The following DNAJC13 variants were observed in gnomAD, a reference collection of about 807,000 sequenced individuals.
DNAJC13 encodes the protein DnaJ heat shock protein family (Hsp40) member C13.
A neutral mutation model predicts 290.5 loss-of-function variants in DNAJC13; 75 were observed. The observed-to-expected ratio is 0.26, with a 90% CI of 0.21 to 0.31. DNAJC13 has a LOEUF of 0.31. DNAJC13 is among the 10% of genes least tolerant of loss of function. The probability of loss-of-function intolerance (pLI) is 1.00; values close to 1 mark genes in which losing one functional copy is unlikely to be tolerated. For missense variants in DNAJC13, 2,260 were observed against 2,674.5 expected, an observed-to-expected ratio of 0.85 and a Z score of 3.42; for synonymous variants, 862 against 892.0, an observed-to-expected ratio of 0.97 and a Z score of 0.60.
chr3:132,429,207 A>G (rs1168256089), intron 1 of DNAJC13, among the ~76,000 whole-genome samples: 4 of 152,204 alleles, frequency 2.6e-5, no homozygotes, highest in Admixed American at 6.5e-5. Flanking sequence ...AACAAGTATC[A>G]TCTGTCCAGA....
chr3:132,442,006 G>GTTT lies in DNAJC13; in HGVS notation c.69-4460_69-4458dup, dbSNP rs201467302. On this transcript the variant is annotated intron_variant, in intron 2 of 55. Coordinates refer to ENST00000260818, the MANE Select transcript of DNAJC13 (RefSeq NM_015268.4). ...ATAGAGTATCTGACCTAACACATTG[G>GTTT]TTTTTTTTTTTATTTTGCCTAAACA... Among the ~76,000 whole-genome samples, 7 of 145,158 alleles carry GTTT rather than the reference G, an allele frequency of 4.8e-5. No homozygotes were observed. In the East Asian group the frequency reaches 1.2e-3, roughly 25 times the overall value.
chr3:132,426,363 CT>C (rs1339133274), intron 1 of DNAJC13, among the ~76,000 whole-genome samples: 3 of 152,148 alleles, frequency 2.0e-5, no homozygotes, highest in African/African-American at 7.2e-5. Flanking sequence ...AATCATGGGT[CT>C]TTGAGAATTT....
intron 45 of DNAJC13, 28 bp downstream of exon 45, chr3:132,513,127 T>TG: frequency 6.4e-7 from 1 of 1,560,728 alleles, no homozygotes; most frequent in Non-Finnish European, 8.8e-7. Context: ...TAAAGCGTGT[T>TG]GCCTTTCCTA....
chr3:132,424,769 A>G (rs930222695), intron 1 of DNAJC13, among the ~76,000 whole-genome samples: 18 of 152,074 alleles, frequency 1.2e-4, no homozygotes, highest in African/African-American at 4.3e-4. Flanking sequence ...AAGTTAAGGA[A>G]GGCTAAGATG....
intron 2 of DNAJC13, among the ~76,000 whole-genome samples, chr3:132,442,063 G>GT (rs1289563565): frequency 7.1e-6 from 1 of 141,562 alleles, no homozygotes; most frequent in Non-Finnish European, 1.5e-5. Context: ...AATACCTTAT[G>GT]TAAAAAAAAA....
At chr3:132,518,681 A>C (rs1030954373) in intron 48 of DNAJC13, among the ~76,000 whole-genome samples, 20 of 152,028 alleles carry the variant, frequency 1.3e-4, no homozygotes, top group African/African-American at 4.6e-4. Flanking sequence ...TTTTGGTAAC[A>C]GTTTTCTTGA....
intron 29 of DNAJC13, among the ~76,000 whole-genome samples, chr3:132,486,590 AT>A (rs976706165): frequency 6.6e-6 from 1 of 151,994 alleles, no homozygotes; most frequent in Non-Finnish European, 1.5e-5. Flanking sequence ...TGTGACTCCT[AT>A]TTTTTTATAT....
In DNAJC13 at chr3:132,516,791, C is replaced by G. The variant is rs1471180106; in HGVS notation, c.5648C>G (p.Thr1883Arg). Residue 1883 changes from threonine to arginine, a missense_variant, in exon 48 of 56, where the codon ACA becomes AGA. Physicochemically the swap from Thr to Arg is moderately conservative, Grantham distance 71. Coordinates refer to ENST00000260818, the MANE Select transcript of DNAJC13 (RefSeq NM_015268.4). ...ACAGCAGAACTTTTTGCCAAAATGA[C>G]AGCAGATAAACTGATAGGTCCAAAG... ...AQTAELFAKM[T>R]ADKLIGPKVR... 1.2e-6 allele frequency: 2 copies of G among 1,613,360 alleles called. No homozygotes were observed. Among genetic ancestry groups the G allele is most frequent in the African/African-American group, 2.7e-5 (2 of 75,000 alleles).
intron 44 of DNAJC13, among the ~76,000 whole-genome samples, chr3:132,511,809 T>G (rs1337105277): frequency 6.6e-6 from 1 of 152,114 alleles, no homozygotes; most frequent in Non-Finnish European, 1.5e-5. Context: ...CAACTCTAAC[T>G]TAGATAATAA....
intron 34 of DNAJC13, 109 bp from the exon 35 acceptor site, chr3:132,494,979 C>A: frequency 1.5e-6 from 1 of 687,500 alleles, no homozygotes; most frequent in Non-Finnish European, 2.4e-6. Context: ...AATATATAAT[C>A]ATATACAATT....
intron 1 of DNAJC13, 49 bp from the exon 2 acceptor site, chr3:132,434,489 T>G (rs1298929357): frequency 3.7e-6 from 5 of 1,354,470 alleles, no homozygotes; most frequent in East Asian, 4.6e-5. Context: ...CTTGGAAAGA[T>G]TAAAGATATA....
chr3:132,478,797 A>G (rs995170437), intron 24 of DNAJC13, among the ~76,000 whole-genome samples: 2 of 152,170 alleles, frequency 1.3e-5, no homozygotes, highest in African/African-American at 4.8e-5. Flanking sequence ...ACATTTGAAC[A>G]TGGTGGAGGG....
At position 132,463,824 on chromosome 3, in the gene DNAJC13, G is replaced by A. The variant is rs773267778; in HGVS notation, c.1892+7G>A. On this transcript the variant is annotated splice_region_variant and intron_variant, in intron 17 of 55. Transcript: ENST00000260818. ...AAAGGATGCTTACAAATAGGTAGGT[G>A]ATTTAATTCAATTTGCTGCAATTTA... The A allele has an allele frequency of 6.3e-6, 10 of 1,599,654 alleles. No individual in the cohort carries two copies. In the East Asian group the frequency reaches 1.6e-4, roughly 25 times the overall value.
At chr3:132,421,235 G>A (rs1481936932) in intron 1 of DNAJC13, among the ~76,000 whole-genome samples, 3 of 152,126 alleles carry the variant, frequency 2.0e-5, no homozygotes, top group South Asian at 2.1e-4. Flanking sequence ...AATTTTCTGC[G>A]TTCACTTAGT....
At chr3:132,456,465 C>T (rs369325041) in intron 10 of DNAJC13, 36 bp from the exon 11 acceptor site, 90 of 1,608,376 alleles carry the variant, frequency 5.6e-5, no homozygotes, top group Non-Finnish European at 6.5e-5. Flanking sequence ...ATTAGGAATT[C>T]GTATCTTCTT....
intron 27 of DNAJC13, among the ~76,000 whole-genome samples, chr3:132,482,910 G>A (rs1427455071): frequency 6.6e-6 from 1 of 151,776 alleles, no homozygotes; most frequent in Non-Finnish European, 1.5e-5. Context: ...AAACTATAAT[G>A]TTTCTATATG....
intron 15 of DNAJC13, among the ~76,000 whole-genome samples, chr3:132,461,748 G>A (rs577600190): frequency 6.6e-6 from 1 of 152,146 alleles, no homozygotes; most frequent in South Asian, 2.1e-4. Context: ...CTGGAGTGCG[G>A]TGATGCAATC....
chr3:132,451,969 G>T (rs979633085), intron 6 of DNAJC13, among the ~76,000 whole-genome samples: 4 of 152,140 alleles, frequency 2.6e-5, no homozygotes, highest in Non-Finnish European at 2.9e-5. Flanking sequence ...TTACCTCTGA[G>T]GCTTGACCCA....
chr3:132,434,252 G>A (rs1210028745), intron 1 of DNAJC13, among the ~76,000 whole-genome samples: 8 of 150,840 alleles, frequency 5.3e-5, no homozygotes, highest in Non-Finnish European at 8.8e-5. Flanking sequence ...CGGGCGTGGT[G>A]GCAGGAACCT....
Sources: gnomAD v4.1 joint callset for allele counts (sites outside exome capture counted in the v4.1 genomes callset) on GRCh38, gnomAD v4.1.1 for gene constraint, MANE v1.5 for transcripts, NCBI Gene and HGNC (gene_info 2026-07-23, HGNC 2026-07-21) for gene names.